Variants in MAGI2 observed in about 807,000 individuals in gnomAD.
MAGI2 encodes membrane-associated guanylate kinase, WW and PDZ domain-containing protein 2.
MAGI2 carries 35 observed loss-of-function variants against 133.3 expected under a neutral mutation model. The ratio of observed to expected loss-of-function variants is 0.26; its 90% CI spans 0.20 to 0.35. MAGI2 has a LOEUF of 0.35. Among genes scored for constraint, MAGI2 ranks in the 10% least tolerant of loss-of-function variants. The pLI is 1.00. For synonymous variants in MAGI2, 729 were observed against 710.6 expected (o/e 1.03, Z -0.41); for missense variants, 1,636 against 1,863.4 (o/e 0.88, Z 2.25).
chr7:78,844,220 A>T (rs1266821094), intron 2 of MAGI2, among the ~76,000 whole-genome samples: 1 of 151,602 alleles, frequency 6.6e-6, no homozygotes, highest in Non-Finnish European at 1.5e-5. Context: ...GTCTTCCAAT[A>T]ATTGTATATA....
chr7:79,040,097 G>A (rs1584763801), intron 1 of MAGI2, among the ~76,000 whole-genome samples: 1 of 151,860 alleles, frequency 6.6e-6, no homozygotes, highest in Non-Finnish European at 1.5e-5. Flanking sequence ...ATAGGTCAAG[G>A]GAGAGACCAG....
intron 1 of MAGI2, among the ~76,000 whole-genome samples, chr7:79,451,483 T>C (rs556918514): frequency 4.6e-5 from 7 of 152,304 alleles, no homozygotes; most frequent in African/African-American, 1.7e-4. Flanking sequence ...CCTACCAAAC[T>C]CATATCCCTT....
At chr7:78,027,941 G>A (rs1338703008) in intron 21 of MAGI2, among the ~76,000 whole-genome samples, 3 of 152,204 alleles carry the variant, frequency 2.0e-5, no homozygotes, top group Non-Finnish European at 4.4e-5. Context: ...CAATACTGGT[G>A]TGGTTTTATT....
chr7:78,884,869 T>C (rs894076754), intron 2 of MAGI2, among the ~76,000 whole-genome samples: 1 of 152,196 alleles, frequency 6.6e-6, no homozygotes, highest in Admixed American at 6.5e-5. Flanking sequence ...CACCTATACA[T>C]GCATGTTTAT....
At chr7:79,367,134 C>T (rs142908125) in intron 1 of MAGI2, among the ~76,000 whole-genome samples, 274 of 152,304 alleles carry the variant, frequency 1.8e-3, no homozygotes, top group African/African-American at 6.2e-3. Flanking sequence ...AAGCTACAGA[C>T]CAAATCCCTC....
At chr7:78,873,940 A>G (rs755754885) in intron 2 of MAGI2, among the ~76,000 whole-genome samples, 4 of 152,214 alleles carry the variant, frequency 2.6e-5, no homozygotes, top group Non-Finnish European at 4.4e-5. Flanking sequence ...AATTATTTCC[A>G]GATAATCACT....
In MAGI2 at chr7:79,009,582, A is replaced by T. The variant is rs529242912; in HGVS notation, c.302-2376T>A. On this transcript the variant is annotated intron_variant, in intron 1 of 21. Coordinates refer to ENST00000354212, the MANE Select transcript of MAGI2 (RefSeq NM_012301.4). ...TAGTTGCCTACCCAATATTCCTCCC[A>T]TTATTCTTTCCTTTTAAAAGAGCTC... Among the ~76,000 whole-genome samples the T allele has an allele frequency of 2.6e-5, 4 of 152,198 alleles. No individual in the cohort carries two copies. The South Asian group carries it at 8.3e-4, about 32-fold the overall frequency.
chr7:78,500,805 T>C (rs1386532449), intron 5 of MAGI2, among the ~76,000 whole-genome samples: 1 of 152,192 alleles, frequency 6.6e-6, no homozygotes, highest in Non-Finnish European at 1.5e-5. Flanking sequence ...AGCATTTTTT[T>C]TGGCTGGGCG....
intron 2 of MAGI2, among the ~76,000 whole-genome samples, chr7:78,719,347 C>G (rs895643558): frequency 6.6e-6 from 1 of 151,792 alleles, no homozygotes; most frequent in Non-Finnish European, 1.5e-5. Context: ...AATAGCTTCC[C>G]TTAAGGTTGA....
chr7:78,938,508 C>T (rs1011199333), intron 2 of MAGI2, among the ~76,000 whole-genome samples: 2 of 151,526 alleles, frequency 1.3e-5, no homozygotes, highest in Non-Finnish European at 2.9e-5. Flanking sequence ...TCTGGTATCA[C>T]CAGAAAGGTT....
In MAGI2 at chr7:79,151,197, T is replaced by C. The variant is rs138584602; in HGVS notation, c.302-143991A>G. Among the ~76,000 whole-genome samples the C allele has an allele frequency of 3.5e-4, 54 of 152,290 alleles. 3 individuals carry two copies. The highest frequency in any genetic ancestry group is 1.1e-3 in the African/African-American group (47 of 41,574). On this transcript the variant is annotated intron_variant, in intron 1 of 21. Transcript: ENST00000354212. The stretch of plus-strand genomic sequence containing the variant: ...TTCAAGAAATATATCATTCAAGAAA[T>C]GCTTTTTTATTACATAACTTTTTGG...
intron 9 of MAGI2, among the ~76,000 whole-genome samples, chr7:78,296,860 G>A (rs529779228): frequency 8.5e-5 from 13 of 152,338 alleles, no homozygotes; most frequent in South Asian, 8.3e-4. Context: ...CTCAGTCAGC[G>A]TGGGAAAGGC....
chr7:78,189,230 C>A (rs3807655), intron 12 of MAGI2, among the ~76,000 whole-genome samples: 1 of 152,052 alleles, frequency 6.6e-6, no homozygotes, highest in Non-Finnish European at 1.5e-5. Context: ...AAGAGCAGGA[C>A]AACAGCCATA....
chr7:78,246,312 G>C (rs1791773697), intron 10 of MAGI2, among the ~76,000 whole-genome samples: 1 of 152,024 alleles, frequency 6.6e-6, no homozygotes, highest in Non-Finnish European at 1.5e-5. Context: ...CCTGGGAAAT[G>C]ATGTCTTGGC....
chr7:78,132,549 G>A (rs572976356), intron 18 of MAGI2, among the ~76,000 whole-genome samples: 9 of 152,226 alleles, frequency 5.9e-5, no homozygotes, highest in African/African-American at 1.7e-4. Flanking sequence ...CATTTCCATC[G>A]TGCATACTGC....
At chr7:78,877,642 G>A (rs1795532211) in intron 2 of MAGI2, among the ~76,000 whole-genome samples, 1 of 152,068 alleles carries the variant, frequency 6.6e-6, no homozygotes, top group African/African-American at 2.4e-5. Flanking sequence ...CTTGTACTAG[G>A]GAAGCTTAGG....
chr7:79,057,831 G>T (rs1359407476), intron 1 of MAGI2, among the ~76,000 whole-genome samples: 3 of 152,028 alleles, frequency 2.0e-5, no homozygotes, highest in African/African-American at 7.2e-5. Context: ...GGGGTGGTTG[G>T]GTTATGAGAA....
At chr7:78,901,152 T>C (rs1797593631) in intron 2 of MAGI2, 14 of 152,212 alleles carry the variant, frequency 9.2e-5, no homozygotes, top group Admixed American at 9.2e-4. Flanking sequence ...CCCACTGTAA[T>C]ATCTATAAGT....
At chr7:79,440,642 G>T (rs1470413541) in intron 1 of MAGI2, among the ~76,000 whole-genome samples, 1 of 151,598 alleles carries the variant, frequency 6.6e-6, no homozygotes, top group Non-Finnish European at 1.5e-5. Flanking sequence ...CAATAAAATG[G>T]GAATAAAACA....
Sources: gnomAD v4.1 joint callset for allele counts (sites outside exome capture counted in the v4.1 genomes callset) on GRCh38, gnomAD v4.1.1 for gene constraint, MANE v1.5 for transcripts, NCBI Gene and HGNC (gene_info 2026-07-23, HGNC 2026-07-21) for gene names.